AARS1: variants seen among roughly 807,000 people sequenced by gnomAD.
AARS1 encodes alanine--tRNA ligase, cytoplasmic.
Under a neutral mutation model 108.9 loss-of-function variants are expected in AARS1, and 72 were observed. The observed-to-expected ratio is 0.66, with a 90% CI of 0.55 to 0.80. The LOEUF is 0.80. Ranked by LOEUF, AARS1 falls within the 30% of genes least tolerant of loss-of-function variation. The pLI, the probability that AARS1 is intolerant of heterozygous loss-of-function variation, is 0.00. For missense variants in AARS1, 1,193 were observed against 1,233.2 expected, an observed-to-expected ratio of 0.97 and a Z score of 0.49; for synonymous variants, 489 against 465.7, an observed-to-expected ratio of 1.05 and a Z score of -0.64.
At chr16:70,263,072 C>T (rs1381468932) in intron 11 of AARS1, among the ~76,000 whole-genome samples, 1 of 150,444 alleles carries the variant, frequency 6.6e-6, no homozygotes, top group Non-Finnish European at 1.5e-5. Flanking sequence ...ACCAACTGTC[C>T]CAATTTTTAG....
In AARS1 at chr16:70,262,531, A is replaced by C. The variant is rs376087556; in HGVS notation, c.1493-7T>G. On this transcript the variant is annotated splice_polypyrimidine_tract_variant and splice_region_variant and intron_variant, in intron 11 of 20. Coordinates refer to ENST00000261772, the MANE Select transcript of AARS1 (RefSeq NM_001605.3). ...GCCACTGTGTTCTCAAATACTGCTC[A>C]AGGGAAATGCATAGAAAGGGGACAG... 6.2e-7 allele frequency: 1 copy of C among 1,606,566 alleles called. No individual in the cohort carries two copies. The highest frequency in any genetic ancestry group is 1.7e-5 in the Admixed American group (1 of 59,852).
chr16:70,285,250 C>G (rs1324284322), intron 1 of AARS1, among the ~76,000 whole-genome samples: 1 of 151,532 alleles, frequency 6.6e-6, no homozygotes, highest in Non-Finnish European at 1.5e-5. Context: ...AAAGGAAAAC[C>G]TTGAAGGAAC....
chr16:70,254,404 G>A, intron 17 of AARS1: 2 of 604,482 alleles, frequency 3.3e-6, no homozygotes, highest in Non-Finnish European at 6.0e-6. Flanking sequence ...CTTGGGAAGA[G>A]CTCTCCTGCT....
intron 11 of AARS1, among the ~76,000 whole-genome samples, chr16:70,264,474 G>A (rs1377846833): frequency 6.6e-6 from 1 of 151,770 alleles, no homozygotes. Flanking sequence ...ACGCCACCAC[G>A]CCCGGCTAAT....
chr16:70,253,604 C>T, intron 19 of AARS1, 110 bp downstream of exon 19: 1 of 1,313,926 alleles, frequency 7.6e-7, no homozygotes, highest in Non-Finnish European at 1.1e-6. Context: ...AATCTCAATC[C>T]CAGACCGTGG....
chr16:70,253,313 C>T lies in AARS1; in HGVS notation c.2676G>A (p.Val892=). The T allele has an allele frequency of 1.9e-6, 3 of 1,614,202 alleles. No homozygotes were observed. The highest frequency in any genetic ancestry group is 2.5e-6 in the Non-Finnish European group (3 of 1,180,020). ...SPQTSAMLFT[V]DNEAGKITCL... ...ACGTGATCTTGCCAGCCTCATTGTC[C>T]ACCGTGAAGAGCATGGCAGAAGTCT... Residue 892 remains valine, a synonymous_variant, in exon 20 of 21, where the codon GTG becomes GTA. Transcript: ENST00000261772.
intron 8 of AARS1, 46 bp from the exon 9 acceptor site, chr16:70,267,855 TGTTCCCTGCCCC>T: frequency 1.2e-6 from 2 of 1,613,590 alleles, no homozygotes; most frequent in South Asian, 1.1e-5. Flanking sequence ...AGCCAGAGAC[TGTTCCCTGCCCC>T]GTCTTAAAAA....
intron 2 of AARS1, among the ~76,000 whole-genome samples, chr16:70,280,435 T>A (rs947954348): frequency 1.3e-5 from 2 of 152,174 alleles, no homozygotes; most frequent in Non-Finnish European, 2.9e-5. Flanking sequence ...CTCAGCCTCC[T>A]GAGTAGATGT....
At chr16:70,275,120 T>G (rs1336886604) in intron 4 of AARS1, among the ~76,000 whole-genome samples, 1 of 150,134 alleles carries the variant, frequency 6.7e-6, no homozygotes, top group Non-Finnish European at 1.5e-5. Flanking sequence ...ATTAGCCAGG[T>G]GTGGTGGCGC....
At position 70,284,828 on chromosome 16, in the gene AARS1, G is replaced by A. The variant is rs1306323360; in HGVS notation, c.-21-2044C>T. 2.0e-5 allele frequency among the ~76,000 whole-genome samples: 3 copies of A among 152,222 alleles called. No homozygotes were observed. The East Asian group carries it at 5.8e-4, about 29-fold the overall frequency. On this transcript the variant is annotated intron_variant, in intron 1 of 20. Coordinates refer to ENST00000261772, the MANE Select transcript of AARS1 (RefSeq NM_001605.3). ...CCAACCGTAACCTTAATTCACTTTTGCCTGAGTTCAGTTCCTTTTCTGTAA... is the reference window on the plus strand; with the variant it reads ...CCAACCGTAACCTTAATTCACTTTTACCTGAGTTCAGTTCCTTTTCTGTAA...
At chr16:70,261,666 T>G (rs1336023456) in intron 12 of AARS1, among the ~76,000 whole-genome samples, 1 of 126,648 alleles carries the variant, frequency 7.9e-6, no homozygotes, top group East Asian at 2.2e-4. Context: ...AAGGAGCATC[T>G]TAGAATTTTT....
rs569095163 is a variant in AARS1, at chr16:70,284,954, G to A, written c.-21-2170C>T. On this transcript the variant is annotated intron_variant, in intron 1 of 20. Coordinates refer to ENST00000261772, the MANE Select transcript of AARS1 (RefSeq NM_001605.3). ...TATAAAATGGAAAACGTTACGCCACGTGCGGTGGCTCACACCTGTAATCCC... is the reference window on the plus strand; with the variant it reads ...TATAAAATGGAAAACGTTACGCCACATGCGGTGGCTCACACCTGTAATCCC... Among the ~76,000 whole-genome samples the A allele has an allele frequency of 1.2e-4, 18 of 152,290 alleles. No homozygotes were observed. The East Asian group carries it at 1.9e-3, about 16-fold the overall frequency.
intron 5 of AARS1, 121 bp from the exon 6 acceptor site, chr16:70,270,461 C>T (rs977309985): frequency 1.4e-5 from 18 of 1,288,684 alleles, no homozygotes; most frequent in African/African-American, 5.8e-5. Context: ...GCCATTTGCC[C>T]GGTTTGGTGG....
At chr16:70,286,229 G>C (rs1268046301) in intron 1 of AARS1, among the ~76,000 whole-genome samples, 1 of 151,864 alleles carries the variant, frequency 6.6e-6, no homozygotes, top group Non-Finnish European at 1.5e-5. Flanking sequence ...TAAACTCATT[G>C]ATTTATTCAC....
chr16:70,253,948 G>T lies in AARS1; in HGVS notation c.2491C>A (p.Arg831=). The change falls in exon 18 of 21, where the codon CGA becomes AGA. Residue 831 remains arginine, a synonymous_variant. Coordinates refer to ENST00000261772, the MANE Select transcript of AARS1 (RefSeq NM_001605.3). ...SLKKVMDDLD[R]ASKADVQKRV... The stretch of plus-strand genomic sequence containing the variant: ...TTCTGGACATCGGCTTTGCTGGCTC[G>T]GTCCAAGTCATCCATGACCTTCTTT... 6.2e-7 allele frequency: 1 copy of T among 1,614,148 alleles called. No homozygotes were observed. Among genetic ancestry groups the T allele is most frequent in the Non-Finnish European group, 8.5e-7 (1 of 1,180,028 alleles).
At chr16:70,259,460 C>T (rs1960082655) in intron 13 of AARS1, among the ~76,000 whole-genome samples, 1 of 152,072 alleles carries the variant, frequency 6.6e-6, no homozygotes, top group African/African-American at 2.4e-5. Context: ...AAATGACGGC[C>T]GATGGCTAAA....
At chr16:70,253,460 G>T in intron 19 of AARS1, 79 bp from the exon 20 acceptor site, 1 of 1,251,724 alleles carries the variant, frequency 8.0e-7, no homozygotes, top group Non-Finnish European at 1.2e-6. Context: ...CCCTCAGAAG[G>T]CCTGCCACCC....
Position 70,282,651 on chromosome 16 carries a change from G to C in AARS1, c.113C>G (p.Thr38Ser). 1 of 1,614,228 alleles carries C rather than the reference G, an allele frequency of 6.2e-7. No homozygotes were observed. The highest frequency in any genetic ancestry group is 1.1e-5 in the South Asian group (1 of 91,090). Residue 38 changes from threonine (T) to serine (S), a missense_variant, in exon 2 of 21, where the codon ACT becomes AGT. Physicochemically the swap from Thr to Ser is moderately conservative, Grantham distance 58 (BLOSUM62 1). Transcript: ENST00000261772. ...SSATIPLDDP[T>S]LLFANAGMNQ... is the part of the protein sequence containing the mutation. ...CATGCCTGCATTGGCAAAGAGCAAAGTGGGGTCATCCAATGGGATGGTGGC... is the reference window on the plus strand; with the variant it reads ...CATGCCTGCATTGGCAAAGAGCAAACTGGGGTCATCCAATGGGATGGTGGC...
At chr16:70,270,437 G>A (rs1960371182) in intron 5 of AARS1, 97 bp from the exon 6 acceptor site, 1 of 1,504,250 alleles carries the variant, frequency 6.6e-7, no homozygotes, top group Non-Finnish European at 9.2e-7. Context: ...ACAGTTTGCA[G>A]GCTGTGACCA....
Sources: allele counts gnomAD v4.1 joint callset (sites outside exome capture counted in the v4.1 genomes callset), GRCh38; gene constraint gnomAD v4.1.1; transcripts MANE v1.5; gene names NCBI Gene and HGNC (gene_info 2026-07-23, HGNC 2026-07-21).